PCDHA2: variants seen among roughly 807,000 people sequenced by gnomAD.
The protein encoded by PCDHA2 is protocadherin alpha-2.
PCDHA2 carries 58 observed loss-of-function variants against 66.0 expected under a neutral mutation model. That is an observed-to-expected ratio of 0.88 (90% CI 0.71 to 1.09). The LOEUF (loss-of-function observed/expected upper bound fraction) is 1.09. Among genes scored for constraint, PCDHA2 ranks in the 50% least tolerant of loss-of-function variants. The probability of loss-of-function intolerance (pLI) is 0.00; values close to 1 mark genes in which losing one functional copy is unlikely to be tolerated. For missense variants in PCDHA2, 1,267 were observed against 1,242.3 expected (o/e 1.02, Z -0.30); for synonymous variants, 634 against 554.0 (o/e 1.14, Z -2.03).
rs141068049 is a variant in PCDHA2, at chr5:140,842,535, A to C, written c.2388+45183A>C. 7.4e-6 allele frequency: 12 copies of C among 1,612,482 alleles called. 1 individual carries two copies. The highest frequency in any genetic ancestry group is 1.0e-5 in the Non-Finnish European group (12 of 1,178,836). On this transcript the variant is annotated intron_variant, in intron 1 of 3. Coordinates refer to ENST00000526136, the MANE Select transcript of PCDHA2 (RefSeq NM_018905.3). ...CTGGTGTCCACCTTCAAGAATTACT[A>C]CTCGTTGGTGCTGGACAGCGCCCTG... is the stretch of plus-strand genomic sequence containing the variant.
chr5:140,818,309 C>T (rs2150100761), intron 1 of PCDHA2, among the ~76,000 whole-genome samples: 2 of 152,194 alleles, frequency 1.3e-5, no homozygotes, highest in South Asian at 4.1e-4. Flanking sequence ...CCATCTTTTA[C>T]TTTAGGAATT....
intron 1 of PCDHA2, chr5:140,863,349 G>T: frequency 7.7e-7 from 1 of 1,302,266 alleles, no homozygotes. Flanking sequence ...TGCTGTACAC[G>T]ACGCTGCGGT....
chr5:140,803,043 G>A (rs142788061), intron 1 of PCDHA2: 210 of 1,613,896 alleles, frequency 1.3e-4, no homozygotes, highest in Non-Finnish European at 1.4e-4. Flanking sequence ...GCCTGGGACC[G>A]GCGGTGCGCG....
chr5:140,957,698 A>T (rs1554223065), intron 1 of PCDHA2, among the ~76,000 whole-genome samples: 1 of 152,174 alleles, frequency 6.6e-6, no homozygotes. Flanking sequence ...AATGAACATT[A>T]TGTAGTTTTT....
intron 1 of PCDHA2, among the ~76,000 whole-genome samples, chr5:140,902,203 C>CTTTT (rs148688132): frequency 2.0e-4 from 25 of 124,426 alleles, no homozygotes; most frequent in African/African-American, 2.5e-4. Flanking sequence ...CTCTCTCTTT[C>CTTTT]TTTTTTTTTT....
intron 1 of PCDHA2, among the ~76,000 whole-genome samples, chr5:140,947,415 G>C (rs116670354): frequency 0.021 from 3,167 of 151,674 alleles, 64 homozygotes; most frequent in Admixed American, 0.045. Flanking sequence ...TGATATTGTA[G>C]CTTTATAAAT....
At chr5:140,920,069 G>C (rs527472900) in intron 1 of PCDHA2, among the ~76,000 whole-genome samples, 1 of 152,288 alleles carries the variant, frequency 6.6e-6, no homozygotes, top group Non-Finnish European at 1.5e-5. Context: ...GGAAAAGGCA[G>C]AAACAGATTC....
At chr5:140,888,048 A>G (rs534072281) in intron 1 of PCDHA2, among the ~76,000 whole-genome samples, 40 of 152,296 alleles carry the variant, frequency 2.6e-4, no homozygotes, top group African/African-American at 9.4e-4. Context: ...TGTATAATAG[A>G]TGTTTTAACT....
At chr5:140,864,648 G>A (rs2048555529) in intron 1 of PCDHA2, 1 of 152,150 alleles carries the variant, frequency 6.6e-6, no homozygotes, top group Non-Finnish European at 1.5e-5. Context: ...AACAATGTCA[G>A]CTCTACTTAA....
At chr5:141,009,019 C>A (rs1160022658) in intron 3 of PCDHA2, among the ~76,000 whole-genome samples, 1 of 152,232 alleles carries the variant, frequency 6.6e-6, no homozygotes, top group Non-Finnish European at 1.5e-5. Context: ...CCTTTAGGCT[C>A]TGTATTTCCC....
intron 1 of PCDHA2, chr5:140,828,051 C>A (rs2150150373): frequency 6.5e-7 from 1 of 1,545,276 alleles, no homozygotes. Flanking sequence ...TATCTTTATG[C>A]GGAAGATCTT....
chr5:140,822,197 T>C (rs1767226544), intron 1 of PCDHA2: 1 of 1,614,220 alleles, frequency 6.2e-7, no homozygotes, highest in African/African-American at 1.3e-5. Context: ...AGATTATTCA[T>C]TTTAGAGTCA....
chr5:140,929,381 G>GT (rs1554207059), intron 1 of PCDHA2: 2 of 1,510,858 alleles, frequency 1.3e-6, no homozygotes, highest in African/African-American at 1.4e-5. Flanking sequence ...TGCTAGCTGT[G>GT]TTTTGAAATA....
At chr5:140,989,598 T>C (rs369591964) in intron 3 of PCDHA2, among the ~76,000 whole-genome samples, 431 of 152,260 alleles carry the variant, frequency 2.8e-3, no homozygotes, top group Middle Eastern at 6.8e-3. Flanking sequence ...CTGACACAAG[T>C]AAACTAAAAA....
At position 140,795,658 on chromosome 5, in the gene PCDHA2, G is replaced by A; in HGVS notation, c.694G>A (p.Val232Ile). The change falls in exon 1 of 4, where the codon GTA (valine) becomes ATA (isoleucine). Residue 232 changes from valine to isoleucine, a missense_variant. Physicochemically the swap from Val to Ile is conservative, Grantham distance 29. Coordinates refer to ENST00000526136, the MANE Select transcript of PCDHA2 (RefSeq NM_018905.3). ...GGGCACCGTTCAAATACTTATTAAG[G>A]TATTAGATGTAAATGACAATGAACC... ...LTGTVQILIK[V>I]LDVNDNEPTF... is the part of the protein sequence containing the mutation. The A allele has an allele frequency of 1.9e-6, 3 of 1,614,114 alleles. No homozygotes were observed. The highest frequency in any genetic ancestry group is 2.2e-5 in the South Asian group (2 of 91,084).
intron 3 of PCDHA2, among the ~76,000 whole-genome samples, chr5:141,009,130 G>A (rs1395175038): frequency 2.0e-5 from 3 of 152,188 alleles, no homozygotes; most frequent in African/African-American, 7.2e-5. Flanking sequence ...TGGTATCCTG[G>A]TGAAAAAACC....
intron 3 of PCDHA2, among the ~76,000 whole-genome samples, chr5:141,008,500 A>C (rs2098379990): frequency 6.6e-6 from 1 of 152,072 alleles, no homozygotes; most frequent in African/African-American, 2.4e-5. Context: ...GGTATACTTT[A>C]TGGTGTGTCT....
At chr5:140,986,823 A>G (rs2097214089) in intron 3 of PCDHA2, among the ~76,000 whole-genome samples, 1 of 152,166 alleles carries the variant, frequency 6.6e-6, no homozygotes, top group Admixed American at 6.5e-5. Context: ...TTTGGTTTAG[A>G]CAATGGTTCT....
At chr5:140,909,634 T>G (rs2074616296) in intron 1 of PCDHA2, among the ~76,000 whole-genome samples, 1 of 152,176 alleles carries the variant, frequency 6.6e-6, no homozygotes, top group Non-Finnish European at 1.5e-5. Flanking sequence ...GTCTTCCTAT[T>G]TTGTCTTTTC....
Sources: allele counts gnomAD v4.1 joint callset (sites outside exome capture counted in the v4.1 genomes callset), GRCh38; gene constraint gnomAD v4.1.1; transcripts MANE v1.5; gene names NCBI Gene and HGNC (gene_info 2026-07-23, HGNC 2026-07-21).